Variants in CUX1 observed in about 807,000 individuals in gnomAD.
CUX1 encodes cut like homeobox 1.
CUX1 carries 31 observed loss-of-function variants against 158.8 expected under a neutral mutation model. That is an observed-to-expected ratio of 0.20 (90% CI 0.15 to 0.26). The LOEUF (loss-of-function observed/expected upper bound fraction) is 0.26. CUX1 is among the 10% of genes least tolerant of loss of function. The pLI is 1.00. For missense variants in CUX1, 1,589 were observed against 2,014.6 expected (o/e 0.79, Z 4.04); for synonymous variants, 879 against 862.1 (o/e 1.02, Z -0.34).
chr7:102,118,092 CTAT>C (rs1831626293), intron 8 of CUX1, among the ~76,000 whole-genome samples: 1 of 152,256 alleles, frequency 6.6e-6, no homozygotes, highest in African/African-American at 2.4e-5. Context: ...AGATTTGTCA[CTAT>C]TCCGTCTGCT....
intron 5 of CUX1, among the ~76,000 whole-genome samples, chr7:102,101,157 A>G (rs546483779): frequency 6.6e-6 from 1 of 152,354 alleles, no homozygotes; most frequent in East Asian, 1.9e-4. Context: ...ACTGGAGATC[A>G]GATTTCAACC....
chr7:101,866,901 TAAG>T (rs1378493941), intron 1 of CUX1, among the ~76,000 whole-genome samples: 1 of 152,158 alleles, frequency 6.6e-6, no homozygotes, highest in Non-Finnish European at 1.5e-5. Context: ...CATATAGGAA[TAAG>T]AAGTTTCAAA....
chr7:101,949,059 C>T (rs1163920864), intron 2 of CUX1, among the ~76,000 whole-genome samples: 1 of 152,206 alleles, frequency 6.6e-6, no homozygotes, highest in Non-Finnish European at 1.5e-5. Context: ...TCTGAGTCCA[C>T]AATGGGCTGG....
At chr7:101,852,445 C>G (rs1443639618) in intron 1 of CUX1, among the ~76,000 whole-genome samples, 1 of 151,728 alleles carries the variant, frequency 6.6e-6, no homozygotes, top group Non-Finnish European at 1.5e-5. Context: ...TGGCAAAACC[C>G]TGTCTCTACT....
intron 2 of CUX1, among the ~76,000 whole-genome samples, chr7:101,928,132 T>A (rs956006021): frequency 2.0e-5 from 3 of 152,208 alleles, no homozygotes; most frequent in Admixed American, 2.0e-4. Context: ...TAGATTCATG[T>A]GCCCTGGAAT....
At position 101,935,129 on chromosome 7, in the gene CUX1, G is replaced by A. The variant is rs546430648; in HGVS notation, c.141+18904G>A. On this transcript the variant is annotated intron_variant, in intron 2 of 23. Coordinates refer to ENST00000292535, the MANE Select transcript of CUX1 (RefSeq NM_181552.4). ...TTACTGATGACATTCCACCACAAAA[G>A]AAGTGAAAATGGCCTGTTCCTGCCT... Among the ~76,000 whole-genome samples, 14 of 152,224 alleles carry A rather than the reference G, an allele frequency of 9.2e-5. No individual in the cohort carries two copies. In the South Asian group the frequency reaches 2.7e-3, roughly 29 times the overall value.
intron 2 of CUX1, among the ~76,000 whole-genome samples, chr7:102,025,528 T>A (rs767964881): frequency 1.3e-4 from 20 of 151,858 alleles, no homozygotes; most frequent in Non-Finnish European, 2.4e-4. Flanking sequence ...CATGGGAAGT[T>A]GAGGTGAGAG....
At chr7:102,215,084 A>G (rs962952959) in intron 20 of CUX1, among the ~76,000 whole-genome samples, 13 of 151,932 alleles carry the variant, frequency 8.6e-5, no homozygotes, top group Non-Finnish European at 2.9e-5. Flanking sequence ...CCAGAGGGAC[A>G]CTCCTTCCTC....
chr7:102,045,880 CA>C (rs1822720537), intron 3 of CUX1, among the ~76,000 whole-genome samples: 1 of 152,222 alleles, frequency 6.6e-6, no homozygotes, highest in Non-Finnish European at 1.5e-5. Flanking sequence ...GGACCCGCTC[CA>C]GGGACCCAGC....
chr7:101,837,583 C>T (rs766728697), intron 1 of CUX1, among the ~76,000 whole-genome samples: 124 of 151,928 alleles, frequency 8.2e-4, no homozygotes, highest in South Asian at 4.2e-4. Flanking sequence ...AATCCCAGGA[C>T]TTTGGGAGGC....
intron 8 of CUX1, among the ~76,000 whole-genome samples, chr7:102,135,874 C>T (rs1246048713): frequency 1.8e-4 from 28 of 151,700 alleles, no homozygotes; most frequent in African/African-American, 6.8e-4. Flanking sequence ...ACTTGGGAGG[C>T]TGAGGCAGGA....
In CUX1 at chr7:102,253,352, G is replaced by A. The variant is rs183671355; in HGVS notation, c.*4310G>A. 766 of 985,444 alleles carry A rather than the reference G, an allele frequency of 7.8e-4. 10 individuals carry two copies. In the African/African-American group the frequency reaches 0.012, roughly 16 times the overall value. 61.0% of individuals were successfully genotyped at this position (985,444 alleles called of 1,614,324 possible). A position where few individuals can be genotyped will look rare whatever the true frequency, so the allele number is the denominator to read the frequency against. ...AGTTTACACAGGCTGCAAAGAGATC[G>A]CTGTGGGCCTCGGCTGACTACTTTA... On this transcript the variant is annotated 3_prime_UTR_variant, in exon 24 of 24. Transcript: ENST00000292535.
chr7:101,979,175 G>T (rs944721170), intron 2 of CUX1, among the ~76,000 whole-genome samples: 7 of 152,190 alleles, frequency 4.6e-5, no homozygotes, highest in Non-Finnish European at 1.0e-4. Flanking sequence ...CTTCCAGGAG[G>T]TGAGTACCAG....
chr7:102,123,562 T>C (rs548492646), intron 8 of CUX1, among the ~76,000 whole-genome samples: 1 of 149,158 alleles, frequency 6.7e-6, no homozygotes, highest in South Asian at 2.1e-4. Context: ...TGAGCCGAGA[T>C]TGTGCCACTG....
At chr7:102,161,799 G>T (rs1385890386) in intron 9 of CUX1, among the ~76,000 whole-genome samples, 6 of 152,060 alleles carry the variant, frequency 3.9e-5, no homozygotes, top group African/African-American at 1.5e-4. Context: ...GTAGAGACGG[G>T]GTTTCACCGT....
chr7:102,242,615 A>T (rs529819514), intron 23 of CUX1, among the ~76,000 whole-genome samples: 1 of 152,330 alleles, frequency 6.6e-6, no homozygotes, highest in Non-Finnish European at 1.5e-5. Context: ...ATATAGACAC[A>T]TGCAAAGCCC....
chr7:101,929,483 A>T (rs555665829), intron 2 of CUX1, among the ~76,000 whole-genome samples: 4 of 152,336 alleles, frequency 2.6e-5, no homozygotes, highest in Non-Finnish European at 5.9e-5. Flanking sequence ...TCTGTGTAGG[A>T]TTTAATAATA....
intron 1 of CUX1, among the ~76,000 whole-genome samples, chr7:101,885,519 A>T (rs774759811): frequency 1.3e-5 from 2 of 152,174 alleles, no homozygotes; most frequent in African/African-American, 2.4e-5. Flanking sequence ...TGATTGCACC[A>T]CTGCTCTCCA....
At chr7:101,828,119 G>T (rs540134905) in intron 1 of CUX1, among the ~76,000 whole-genome samples, 1 of 151,904 alleles carries the variant, frequency 6.6e-6, no homozygotes, top group African/African-American at 2.4e-5. Flanking sequence ...GGGACTACAG[G>T]CACCCACTAC....
Sources: gnomAD v4.1 joint callset for allele counts (sites outside exome capture counted in the v4.1 genomes callset) on GRCh38, gnomAD v4.1.1 for gene constraint, MANE v1.5 for transcripts, NCBI Gene and HGNC (gene_info 2026-07-23, HGNC 2026-07-21) for gene names.